Variants in ESCO2 observed in about 807,000 individuals in gnomAD.
ESCO2 encodes N-acetyltransferase ESCO2.
A neutral mutation model predicts 61.7 loss-of-function variants in ESCO2; 51 were observed. That is an observed-to-expected ratio of 0.83 (90% CI 0.66 to 1.04). ESCO2 has a LOEUF of 1.04. ESCO2 is among the 50% of genes least tolerant of loss of function. The probability of loss-of-function intolerance (pLI) is 0.00; values close to 1 mark genes in which losing one functional copy is unlikely to be tolerated. For synonymous variants in ESCO2, 230 were observed against 238.2 expected, an observed-to-expected ratio of 0.97 and a Z score of 0.32; for missense variants, 692 against 686.2, an observed-to-expected ratio of 1.01 and a Z score of -0.09.
At chr8:27,785,773 C>T (rs548272288) in intron 5 of ESCO2, among the ~76,000 whole-genome samples, 27 of 151,562 alleles carry the variant, frequency 1.8e-4, no homozygotes, top group South Asian at 8.3e-4. Flanking sequence ...GACTCCAAAA[C>T]GTCAGTTATC....
At chr8:27,819,024 T>C in the ESCO2 span, among the ~76,000 whole-genome samples, 1 of 152,192 alleles carries the variant, frequency 6.6e-6, no homozygotes, top group African/African-American at 2.4e-5. Context: ...ATTCCTCTAT[T>C]TGGGAACTAT....
chr8:27,809,446 T>C (rs1474929927), downstream of ESCO2, among the ~76,000 whole-genome samples: 3 of 152,194 alleles, frequency 2.0e-5, no homozygotes, highest in East Asian at 1.9e-4. Flanking sequence ...ACCACCTACA[T>C]TGGCAATTCA....
chr8:27,777,153 A>C lies in ESCO2; in HGVS notation c.845A>C (p.Lys282Thr), dbSNP rs1470211318. 6.2e-7 allele frequency: 1 copy of C among 1,601,252 alleles called. No individual in the cohort carries two copies. Among genetic ancestry groups the C allele is most frequent in the Admixed American group, 1.8e-5 (1 of 56,172 alleles). The change falls in exon 3 of 11, where the codon AAA becomes ACA. Residue 282 changes from lysine to threonine, a missense_variant. Coordinates refer to ENST00000305188, the MANE Select transcript of ESCO2 (RefSeq NM_001017420.3). Reference sequence around the variant, plus strand: ...CTACTGAGTGCAAGCAGTAAAAATAAAGAGAAATTAATAAAGGTAAAGCTA... The same window carrying C: ...CTACTGAGTGCAAGCAGTAAAAATACAGAGAAATTAATAAAGGTAAAGCTA... The part of the protein sequence containing the change: ...IGLLSASSKN[K>T]EKLIKDSSDD...
At chr8:27,796,575 T>G (rs1039508184) in intron 9 of ESCO2, among the ~76,000 whole-genome samples, 3 of 152,204 alleles carry the variant, frequency 2.0e-5, no homozygotes, top group Non-Finnish European at 4.4e-5. Context: ...GTGTTGTGTT[T>G]CCATTTTCAT....
intron 3 of ESCO2, 145 bp downstream of exon 3, chr8:27,777,314 T>G (rs1228814466): frequency 1.7e-5 from 13 of 769,084 alleles, no homozygotes; most frequent in Non-Finnish European, 2.6e-5. Flanking sequence ...TTTATTTATT[T>G]ATTTATTTTA....
chr8:27,783,869 G>A (rs1804978041), intron 4 of ESCO2, 131 bp from the exon 5 acceptor site: 1 of 860,314 alleles, frequency 1.2e-6, no homozygotes, highest in South Asian at 1.4e-5. Flanking sequence ...TTTCCTCCAT[G>A]GAATTACCTT....
At chr8:27,802,606 T>TTAAAA (rs1805456483) in intron 10 of ESCO2, among the ~76,000 whole-genome samples, 3 of 2,914 alleles carry the variant, frequency 1.0e-3, no homozygotes, top group African/African-American at 2.6e-3. Flanking sequence ...AGACTCTGTC[T>TTAAAA]CAAAAAAAAA....
intron 4 of ESCO2, among the ~76,000 whole-genome samples, chr8:27,781,161 T>G (rs576330035): frequency 1.6e-4 from 24 of 152,336 alleles, no homozygotes; most frequent in African/African-American, 5.5e-4. Flanking sequence ...ACTTTATTAC[T>G]TAATAACTAC....
At chr8:27,784,089 C>T (rs776741286) in intron 5 of ESCO2, 32 bp downstream of exon 5, 42 of 1,600,532 alleles carry the variant, frequency 2.6e-5, no homozygotes, top group Middle Eastern at 3.3e-4. Context: ...AAGTCCAAGC[C>T]TTGTAAATTA....
At chr8:27,795,395 G>C (rs1390448763) in intron 9 of ESCO2, among the ~76,000 whole-genome samples, 1 of 152,064 alleles carries the variant, frequency 6.6e-6, no homozygotes, top group Non-Finnish European at 1.5e-5. Flanking sequence ...TTCTGCATTT[G>C]TTTATTCTAA....
Position 27,791,973 on chromosome 8 carries a change from AAG to A in ESCO2, c.1276_1277del (p.Glu426ThrfsTer18). The A allele has an allele frequency of 6.2e-7, 1 of 1,614,132 alleles. No homozygotes were observed. The highest frequency in any genetic ancestry group is 1.1e-5 in the South Asian group (1 of 91,078). ...GTTTTCCTTTGGCAGGGTTGGAAGA[AAG>A]AACGTGTAGTAGCAGAGTTTTGGGA... On this transcript the variant is annotated frameshift_variant, in exon 8 of 11. Coordinates refer to ENST00000305188, the MANE Select transcript of ESCO2 (RefSeq NM_001017420.3). LOFTEE classifies it high-confidence loss of function.
In ESCO2 at chr8:27,802,140, TC is replaced by T. The variant is rs553727164; in HGVS notation, c.1674-1165del. Among the ~76,000 whole-genome samples the T allele has an allele frequency of 8.2e-3, 1,187 of 144,448 alleles. 14 individuals carry two copies. The highest frequency in any genetic ancestry group is 0.029 in the African/African-American group (1,122 of 38,306). The allele number at this position is 144,448 out of a possible 152,430, so 94.8% of individuals were successfully genotyped here. A position where few individuals can be genotyped will look rare whatever the true frequency, so the allele number is the denominator to read the frequency against. ...AGAATATCCCTCAATTTTGATTAAT[TC>T]TTTTTTTTTTTCTTTCACAAACAAG... On this transcript the variant is annotated intron_variant, in intron 10 of 10. Transcript: ENST00000305188.
intron 4 of ESCO2, among the ~76,000 whole-genome samples, chr8:27,782,755 G>A (rs1804953207): frequency 6.6e-6 from 1 of 151,130 alleles, no homozygotes; most frequent in Non-Finnish European, 1.5e-5. Flanking sequence ...ACAGGCGTGA[G>A]CCACTGCACT....
chr8:27,791,576 T>C (rs867167378), intron 7 of ESCO2, among the ~76,000 whole-genome samples: 20 of 152,156 alleles, frequency 1.3e-4, no homozygotes, highest in Admixed American at 6.5e-4. Context: ...ATAAGGACTT[T>C]TACTTAGCCT....
At chr8:27,790,352 T>C (rs1805149062) in intron 7 of ESCO2, among the ~76,000 whole-genome samples, 1 of 152,226 alleles carries the variant, frequency 6.6e-6, no homozygotes, top group Admixed American at 6.5e-5. Flanking sequence ...TAGTAATACT[T>C]TCACATGATT....
chr8:27,814,254 T>A (rs113104344), downstream of ESCO2, among the ~76,000 whole-genome samples: 1,515 of 152,280 alleles, frequency 9.9e-3, 21 homozygotes, highest in African/African-American at 0.034. Context: ...CTTCCTATAT[T>A]AATTTTGGTA....
upstream of ESCO2, chr8:27,772,499 T>C (rs1038851508): frequency 1.9e-5 from 30 of 1,550,016 alleles, no homozygotes; most frequent in Middle Eastern, 1.7e-4. Flanking sequence ...CAGGAGGACG[T>C]GGCGCCCACT....
chr8:27,815,263 C>T (rs1805787830), downstream of ESCO2, among the ~76,000 whole-genome samples: 1 of 152,168 alleles, frequency 6.6e-6, no homozygotes, highest in Non-Finnish European at 1.5e-5. Context: ...AACAAGCACT[C>T]ATTTATTCCG....
intron 7 of ESCO2, among the ~76,000 whole-genome samples, chr8:27,790,809 C>T (rs1441053841): frequency 1.3e-5 from 2 of 152,176 alleles, no homozygotes; most frequent in Non-Finnish European, 2.9e-5. Flanking sequence ...CACTGATTAG[C>T]AATGCCACGT....
Sources: allele counts gnomAD v4.1 joint callset (sites outside exome capture counted in the v4.1 genomes callset), GRCh38; gene constraint gnomAD v4.1.1; transcripts MANE v1.5; gene names NCBI Gene and HGNC (gene_info 2026-07-23, HGNC 2026-07-21).